Variants in TTC29 observed in about 807,000 individuals in gnomAD.
TTC29 encodes tetratricopeptide repeat domain 29.
TTC29 carries 49 observed loss-of-function variants against 58.1 expected under a neutral mutation model. That is an observed-to-expected ratio of 0.84 (90% CI 0.67 to 1.07). The LOEUF (loss-of-function observed/expected upper bound fraction) is 1.07, where lower values mean the gene tolerates loss of function less well. Ranked by LOEUF, TTC29 falls within the 50% of genes least tolerant of loss-of-function variation. The pLI, the probability that TTC29 is intolerant of heterozygous loss-of-function variation, is 0.00. For missense variants in TTC29, 582 were observed against 555.6 expected (o/e 1.05, Z -0.48); for synonymous variants, 209 against 196.8 (o/e 1.06, Z -0.52).
chr4:146,736,411 G>A (rs775096714), intron 11 of TTC29, among the ~76,000 whole-genome samples: 4 of 152,172 alleles, frequency 2.6e-5, no homozygotes, highest in Non-Finnish European at 5.9e-5. Flanking sequence ...AATGGACATC[G>A]TATCTGATTG....
chr4:146,726,566 T>C (rs147812128), intron 11 of TTC29, among the ~76,000 whole-genome samples: 1 of 152,334 alleles, frequency 6.6e-6, no homozygotes, highest in African/African-American at 2.4e-5. Context: ...TCTTTTCTTT[T>C]TGACACCTGT....
intron 6 of TTC29, among the ~76,000 whole-genome samples, chr4:146,887,092 T>A (rs1219458863): frequency 2.0e-5 from 3 of 152,040 alleles, no homozygotes; most frequent in Non-Finnish European, 4.4e-5. Context: ...AATCAATGAG[T>A]ATAAAACTTC....
intron 9 of TTC29, among the ~76,000 whole-genome samples, chr4:146,826,434 G>A (rs918922403): frequency 2.0e-5 from 3 of 152,032 alleles, no homozygotes; most frequent in Admixed American, 1.3e-4. Flanking sequence ...TTGAATATTG[G>A]CCCCCAATCT....
At chr4:146,752,436 T>C (rs1231678504) in intron 11 of TTC29, among the ~76,000 whole-genome samples, 1 of 150,648 alleles carries the variant, frequency 6.6e-6, no homozygotes, top group Admixed American at 6.6e-5. Context: ...TCCATGCTTA[T>C]GGGTAGGAAG....
intron 9 of TTC29, among the ~76,000 whole-genome samples, chr4:146,830,119 T>C (rs1266964863): frequency 6.6e-6 from 1 of 152,190 alleles, no homozygotes; most frequent in Non-Finnish European, 1.5e-5. Context: ...AAAGCAATTG[T>C]TAGTATTTTA....
intron 6 of TTC29, among the ~76,000 whole-genome samples, chr4:146,898,127 T>C (rs1732901085): frequency 6.6e-6 from 1 of 152,026 alleles, no homozygotes; most frequent in African/African-American, 2.4e-5. Context: ...CACTAAAGAA[T>C]GGGTAGAGGA....
intron 4 of TTC29, among the ~76,000 whole-genome samples, chr4:146,922,054 T>G (rs1334001159): frequency 6.9e-6 from 1 of 144,022 alleles, no homozygotes; most frequent in African/African-American, 2.5e-5. Context: ...CACCAAAAAC[T>G]ACTCACTGCA....
chr4:146,896,909 T>C (rs1414784781), intron 6 of TTC29, among the ~76,000 whole-genome samples: 2 of 152,204 alleles, frequency 1.3e-5, no homozygotes, highest in Non-Finnish European at 2.9e-5. Context: ...GTTTCTACTT[T>C]TGTCTTTATG....
chr4:146,904,056 G>A (rs998583909), intron 5 of TTC29, among the ~76,000 whole-genome samples: 5 of 152,174 alleles, frequency 3.3e-5, no homozygotes, highest in African/African-American at 1.2e-4. Context: ...GCTTTTGGAA[G>A]AAAGGATTAT....
intron 11 of TTC29, 53 bp downstream of exon 11, chr4:146,803,401 AATT>A: frequency 8.2e-7 from 1 of 1,218,374 alleles, no homozygotes; most frequent in Non-Finnish European, 1.1e-6. Context: ...AATGAAAGTA[AATT>A]AATCATTGAG....
At chr4:146,784,066 GGTATA>G (rs150981677) in intron 11 of TTC29, among the ~76,000 whole-genome samples, 2 of 150,850 alleles carry the variant, frequency 1.3e-5, no homozygotes, top group African/African-American at 4.9e-5. Context: ...CTAAGTCTCA[GGTATA>G]GTATAGTATA....
chr4:146,734,378 T>C (rs947646016), intron 11 of TTC29, among the ~76,000 whole-genome samples: 10 of 152,122 alleles, frequency 6.6e-5, no homozygotes, highest in African/African-American at 2.4e-4. Flanking sequence ...CTTCACCCTA[T>C]GCATCTCTTC....
chr4:146,719,732 T>C (rs189230368), intron 11 of TTC29, among the ~76,000 whole-genome samples: 1 of 152,280 alleles, frequency 6.6e-6, no homozygotes, highest in African/African-American at 2.4e-5. Context: ...GAGATTGGCC[T>C]AGTGAGAAAT....
intron 2 of TTC29, chr4:146,943,949 T>C (rs1201421347): frequency 6.6e-6 from 1 of 152,182 alleles, no homozygotes; most frequent in Non-Finnish European, 1.5e-5. Flanking sequence ...GCCTGTAGCA[T>C]AAATGGAGCA....
At chr4:146,718,589 T>C (rs1743113469) in intron 11 of TTC29, among the ~76,000 whole-genome samples, 1 of 152,122 alleles carries the variant, frequency 6.6e-6, no homozygotes, top group East Asian at 1.9e-4. Flanking sequence ...GTTGTTTGAG[T>C]TTTTTATATG....
intron 8 of TTC29, among the ~76,000 whole-genome samples, chr4:146,838,486 G>A (rs1052080648): frequency 6.6e-6 from 1 of 151,798 alleles, no homozygotes; most frequent in African/African-American, 2.4e-5. Context: ...AAATTTATAA[G>A]CATAAATTTT....
chr4:146,733,520 T>C lies in TTC29; in HGVS notation c.1331-25969A>G, dbSNP rs377417437. 5.3e-5 allele frequency among the ~76,000 whole-genome samples: 8 copies of C among 152,246 alleles called. No homozygotes were observed. The Middle Eastern group carries it at 0.01, about 194-fold the overall frequency. On this transcript the variant is annotated intron_variant, in intron 11 of 12. Transcript: ENST00000325106. ...AACACTTTATGGACTTTAAGAAGCA[T>C]ATTTTAAAATCTTATTAGACCTGTT...
intron 11 of TTC29, among the ~76,000 whole-genome samples, chr4:146,746,073 A>G (rs959853653): frequency 1.1e-4 from 16 of 152,222 alleles, no homozygotes; most frequent in Admixed American, 9.2e-4. Context: ...GATGTTGAGA[A>G]AGAAGCTCAG....
intron 11 of TTC29, among the ~76,000 whole-genome samples, chr4:146,721,001 TGGC>T (rs1333672188): frequency 6.6e-5 from 10 of 152,082 alleles, no homozygotes; most frequent in South Asian, 2.1e-4. Context: ...CAGAGGTACA[TGGC>T]TGAGGAGGGG....
Sources: allele counts gnomAD v4.1 joint callset (sites outside exome capture counted in the v4.1 genomes callset), GRCh38; gene constraint gnomAD v4.1.1; transcripts MANE v1.5; gene names NCBI Gene and HGNC (gene_info 2026-07-23, HGNC 2026-07-21).